Variants in HERC4 observed in about 807,000 individuals in gnomAD.
HERC4 encodes the protein HECT and RLD domain containing E3 ubiquitin protein ligase 4, also known as probable E3 ubiquitin-protein ligase HERC4.
HERC4 carries 28 observed loss-of-function variants against 124.3 expected under a neutral mutation model. That is an observed-to-expected ratio of 0.23 (90% CI 0.17 to 0.31). HERC4 has a LOEUF of 0.31. HERC4 is among the 10% of genes least tolerant of loss of function. HERC4 has a pLI of 1.00. For synonymous variants in HERC4, 407 were observed against 421.5 expected (o/e 0.97, Z 0.42); for missense variants, 713 against 1,229.3 (o/e 0.58, Z 6.28).
chr10:68,053,589 C>G (rs992051064), intron 3 of HERC4, among the ~76,000 whole-genome samples: 10 of 152,108 alleles, frequency 6.6e-5, no homozygotes, highest in Non-Finnish European at 1.5e-4. Flanking sequence ...CAGCACCCGG[C>G]CTGGGGACCA....
chr10:68,012,610 A>G (rs1424746436), intron 9 of HERC4, among the ~76,000 whole-genome samples: 1 of 152,214 alleles, frequency 6.6e-6, no homozygotes, highest in Non-Finnish European at 1.5e-5. Context: ...TGGCACCCCA[A>G]AACAATTACA....
At chr10:68,011,101 C>T (rs1420548015) in intron 9 of HERC4, among the ~76,000 whole-genome samples, 2 of 152,184 alleles carry the variant, frequency 1.3e-5, no homozygotes, top group South Asian at 2.1e-4. Flanking sequence ...CTTGCTCTGT[C>T]GCCCAGGCTG....
chr10:68,043,712 A>G (rs2039883893), intron 4 of HERC4, among the ~76,000 whole-genome samples: 3 of 152,090 alleles, frequency 2.0e-5, no homozygotes, highest in Non-Finnish European at 4.4e-5. Context: ...GCTACTCAGG[A>G]GGCTGAGGCA....
chr10:67,974,073 T>TACACAC (rs57454971), intron 15 of HERC4, among the ~76,000 whole-genome samples: 9 of 96,050 alleles, frequency 9.4e-5, no homozygotes, highest in African/African-American at 3.3e-4. Flanking sequence ...AAAATTACTG[T>TACACAC]ACACACACAC....
At chr10:68,004,812 C>A (rs769443595) in intron 9 of HERC4, among the ~76,000 whole-genome samples, 4 of 152,274 alleles carry the variant, frequency 2.6e-5, no homozygotes, top group South Asian at 4.1e-4. Flanking sequence ...CTTGTGAGAA[C>A]TCACTCATTA....
At chr10:67,958,553 G>A (rs969150924) in intron 16 of HERC4, among the ~76,000 whole-genome samples, 28 of 152,064 alleles carry the variant, frequency 1.8e-4, no homozygotes, top group African/African-American at 6.3e-4. Context: ...CATCTATAAC[G>A]GATAAAGAAA....
At chr10:67,982,309 T>C (rs1223379403) in intron 15 of HERC4, among the ~76,000 whole-genome samples, 1 of 151,376 alleles carries the variant, frequency 6.6e-6, no homozygotes, top group African/African-American at 2.4e-5. Flanking sequence ...CTAGAGAACC[T>C]AGAAACAAAT....
chr10:68,047,985 C>CA (rs954185943), intron 3 of HERC4, among the ~76,000 whole-genome samples: 4 of 151,880 alleles, frequency 2.6e-5, no homozygotes, highest in Admixed American at 2.6e-4. Context: ...AGTGCAGCGG[C>CA]ATAATCATGG....
chr10:68,056,330 T>C (rs1342902647), intron 3 of HERC4, among the ~76,000 whole-genome samples: 1 of 152,130 alleles, frequency 6.6e-6, no homozygotes, highest in Non-Finnish European at 1.5e-5. Flanking sequence ...ACACAACCAA[T>C]AAAATACATT....
intron 22 of HERC4, 109 bp downstream of exon 22, chr10:67,936,044 T>C: frequency 1.6e-6 from 1 of 628,602 alleles, no homozygotes; most frequent in South Asian, 2.8e-5. Context: ...CACTCAAAAT[T>C]AAAGTTTTAT....
At position 67,956,899 on chromosome 10, in the gene HERC4, G is replaced by C. The variant is rs377342606; in HGVS notation, c.2004C>G (p.Thr668=). 3 of 1,584,442 alleles carry C rather than the reference G, an allele frequency of 1.9e-6. No individual in the cohort carries two copies. The highest frequency in any genetic ancestry group is 2.7e-5 in the African/African-American group (2 of 73,506). ...TTACCTGCATCTGTAAGACTGCATC[G>C]GTCTGTAACAGAGTAGTTTTTGCTT... ...DAQAKTTLLQ[T]DAVLQMQMAI... The change falls in exon 17 of 25, where the codon ACC becomes ACG. Residue 668 remains threonine (T), a synonymous_variant. Transcript: ENST00000373700.
chr10:67,939,522 T>C, intron 21 of HERC4, 66 bp downstream of exon 21: 10 of 1,118,990 alleles, frequency 8.9e-6, no homozygotes, highest in Middle Eastern at 2.1e-4. Context: ...AGAAAAACCC[T>C]AAGACACGGC....
chr10:67,928,208 CAAG>C (rs2031366359), intron 23 of HERC4, among the ~76,000 whole-genome samples: 1 of 151,938 alleles, frequency 6.6e-6, no homozygotes, highest in African/African-American at 2.4e-5. Flanking sequence ...GGAGATGAGG[CAAG>C]GAGGGAAAAA....
In HERC4 at chr10:67,983,944, T is replaced by C. The variant is rs10997897; in HGVS notation, c.1806+4719A>G. Among the ~76,000 whole-genome samples, 4,495 of 151,498 alleles carry C rather than the reference T, an allele frequency of 0.03. 433 individuals carry two copies. The East Asian group carries it at 0.35, about 12-fold the overall frequency. Reference sequence around the variant, plus strand: ...TGCCACTGCACTCCAGCCCTGGCAATAGAGCAAGATTCCATCTCAAAAAAA... The same window carrying C: ...TGCCACTGCACTCCAGCCCTGGCAACAGAGCAAGATTCCATCTCAAAAAAA... On this transcript the variant is annotated intron_variant, in intron 15 of 24. Transcript: ENST00000373700.
At chr10:68,008,314 A>G (rs2037712576) in intron 9 of HERC4, among the ~76,000 whole-genome samples, 2 of 152,220 alleles carry the variant, frequency 1.3e-5, no homozygotes, top group Non-Finnish European at 2.9e-5. Flanking sequence ...GTTGATGTTT[A>G]TTCAAAGCCC....
At chr10:68,015,627 T>C (rs2038216937) in intron 8 of HERC4, among the ~76,000 whole-genome samples, 1 of 152,186 alleles carries the variant, frequency 6.6e-6, no homozygotes, top group Non-Finnish European at 1.5e-5. Context: ...AGTTTTCAAG[T>C]TAGCTAGTCT....
At chr10:68,004,607 T>TA (rs992121403) in intron 9 of HERC4, among the ~76,000 whole-genome samples, 2 of 152,174 alleles carry the variant, frequency 1.3e-5, no homozygotes, top group Admixed American at 6.5e-5. Context: ...CATGCTGCTA[T>TA]AAAAAATTGC....
At chr10:67,930,243 C>G (rs1229911912) in intron 23 of HERC4, among the ~76,000 whole-genome samples, 2 of 152,106 alleles carry the variant, frequency 1.3e-5, no homozygotes, top group Non-Finnish European at 2.9e-5. Context: ...AAAAAAAAGT[C>G]TTTAAAAATT....
intron 9 of HERC4, among the ~76,000 whole-genome samples, 161 bp downstream of exon 9, chr10:68,013,865 A>G (rs1379485745): frequency 6.6e-6 from 1 of 152,208 alleles, no homozygotes; most frequent in East Asian, 1.9e-4. Context: ...TTACAAGTAA[A>G]TATAAGCAAA....
Sources: gnomAD v4.1 joint callset for allele counts (sites outside exome capture counted in the v4.1 genomes callset) on GRCh38, gnomAD v4.1.1 for gene constraint, MANE v1.5 for transcripts, NCBI Gene and HGNC (gene_info 2026-07-23, HGNC 2026-07-21) for gene names.